UNC79: variants seen among roughly 807,000 people sequenced by gnomAD.
The protein encoded by UNC79 is protein unc-79 homolog.
A neutral mutation model predicts 283.1 loss-of-function variants in UNC79; 37 were observed. The ratio of observed to expected loss-of-function variants is 0.13; its 90% confidence interval spans 0.10 to 0.17. The LOEUF is 0.17. Ranked by LOEUF, UNC79 falls within the 10% of genes least tolerant of loss-of-function variation. The pLI is 1.00. For synonymous variants in UNC79, 1,107 were observed against 1,200.2 expected, an observed-to-expected ratio of 0.92 and a Z score of 1.61; for missense variants, 2,272 against 3,211.1, an observed-to-expected ratio of 0.71 and a Z score of 7.07.
chr14:93,495,969 A>C (rs964522669), intron 5 of UNC79, among the ~76,000 whole-genome samples: 18 of 152,220 alleles, frequency 1.2e-4, no homozygotes, highest in Non-Finnish European at 2.4e-4. Flanking sequence ...GGCAAGTTGG[A>C]AACTGAGGCT....
At chr14:93,659,199 T>G in exon 39 of UNC79, 2 of 1,610,002 alleles carry the variant, frequency 1.2e-6, no homozygotes, top group Non-Finnish European at 1.7e-6. Flanking sequence ...ACAGTGTTCT[T>G]TAGATTCCAG....
rs536891163 is a variant in UNC79 at position 93,365,400 on chromosome 14, A to G, written c.-351+31877A>G. On this transcript the variant is annotated intron_variant, in intron 1 of 49. Transcript: ENST00000256339. ...ACTCCATCTCAAAAAAAAAAAAAAA[A>G]AAAATGTGATCAGACTACCAAATTT... 3.5e-3 allele frequency among the ~76,000 whole-genome samples: 535 copies of G among 151,718 alleles called. 6 individuals are homozygous for G. Among genetic ancestry groups the G allele is most frequent in the African/African-American group, 0.012 (514 of 41,378 alleles).
At chr14:93,648,965 G>A (rs1164941418) in intron 35 of UNC79, among the ~76,000 whole-genome samples, 1 of 152,154 alleles carries the variant, frequency 6.6e-6, no homozygotes, top group African/African-American at 2.4e-5. Flanking sequence ...GTGTGTGTGT[G>A]CGTGCGTGTG....
At chr14:93,379,580 T>C (rs1400478428) in intron 1 of UNC79, among the ~76,000 whole-genome samples, 1 of 152,130 alleles carries the variant, frequency 6.6e-6, no homozygotes, top group Non-Finnish European at 1.5e-5. Flanking sequence ...TACCTTAATA[T>C]ACAATTCATA....
At chr14:93,683,813 A>G (rs1018969237) in intron 42 of UNC79, among the ~76,000 whole-genome samples, 1 of 151,622 alleles carries the variant, frequency 6.6e-6, no homozygotes, top group African/African-American at 2.4e-5. Context: ...AAAAATTAAA[A>G]TCGGCTAGCC....
chr14:93,659,332 A>G (rs1335794541), intron 39 of UNC79, 71 bp downstream of exon 42: 4 of 1,241,674 alleles, frequency 3.2e-6, no homozygotes, highest in Non-Finnish European at 4.6e-6. Context: ...ATAGGCTTGT[A>G]GCAATACTGA....
rs1202755859 is a variant in UNC79, at chr14:93,617,026, A to G, written c.4042-96A>G. The G allele has an allele frequency of 8.9e-5, 103 of 1,159,654 alleles. 1 individual carries two copies. The East Asian group carries it at 2.5e-3, about 28-fold the overall frequency. The allele number at this position is 1,159,654 out of a possible 1,614,324, so 71.8% of individuals were successfully genotyped here. A position where few individuals can be genotyped will look rare whatever the true frequency, so the allele number is the denominator to read the frequency against. ...TGCCTGTTAAATATTTTGCCTGTTA[A>G]AAATTTTAACCACTGGGATGGCTCA... On this transcript the variant is annotated intron_variant, in intron 27 of 48. Coordinates refer to ENST00000555664, the Ensembl canonical transcript of UNC79. The surrounding 1 kb of genome is among the most constrained non-coding windows in gnomAD (Gnocchi z 4.5).
chr14:93,489,740 T>C (rs545922080), intron 5 of UNC79, among the ~76,000 whole-genome samples: 6 of 152,352 alleles, frequency 3.9e-5, no homozygotes, highest in African/African-American at 1.4e-4. Context: ...AGCTTTGCCA[T>C]GTAGGGGTTG....
At chr14:93,397,633 AC>A (rs1447507928) in intron 1 of UNC79, among the ~76,000 whole-genome samples, 82 of 152,018 alleles carry the variant, frequency 5.4e-4, no homozygotes, top group Non-Finnish European at 1.3e-4. Flanking sequence ...GATTGCTTGA[AC>A]CCAGGAGTTT....
chr14:93,365,573 C>A (rs986726520), intron 1 of UNC79, among the ~76,000 whole-genome samples: 3 of 151,992 alleles, frequency 2.0e-5, no homozygotes, highest in African/African-American at 4.8e-5. Context: ...AATGGAACAT[C>A]CTTGACTATG....
At chr14:93,588,007 CAGAT>C (rs1280259112) in intron 22 of UNC79, among the ~76,000 whole-genome samples, 1 of 152,152 alleles carries the variant, frequency 6.6e-6, no homozygotes, top group African/African-American at 2.4e-5. Context: ...CAGGAGGAAA[CAGAT>C]AGCAGAGTTG....
chr14:93,401,088 A>G (rs767012721), intron 1 of UNC79, among the ~76,000 whole-genome samples: 1 of 152,242 alleles, frequency 6.6e-6, no homozygotes, highest in African/African-American at 2.4e-5. Flanking sequence ...TGGGGCATCC[A>G]GATATAGACA....
rs578033810 is a variant in UNC79, at chr14:93,419,018, C to A, written c.-350-48653C>A. On this transcript the variant is annotated intron_variant, in intron 1 of 49. Transcript: ENST00000256339. ...GCCCTGTTTCGGCTCATGCACGGTG[C>A]GCTGCACCCACTGTCCTGTGCCCAC... Among the ~76,000 whole-genome samples the A allele has an allele frequency of 9.7e-4, 147 of 151,896 alleles. 1 individual carries two copies. Among genetic ancestry groups the A allele is most frequent in the African/African-American group, 3.3e-3 (138 of 41,524 alleles).
At chr14:93,419,014 G>A (rs1018226277) in intron 1 of UNC79, among the ~76,000 whole-genome samples, 13 of 151,694 alleles carry the variant, frequency 8.6e-5, no homozygotes, top group South Asian at 6.4e-4. Flanking sequence ...GCTCATGCAC[G>A]GTGCGCTGCA....
In UNC79 at chr14:93,553,197, G is replaced by C. The variant is rs115751484; in HGVS notation, c.1755+10501G>C. ...GAGAAAGAAACATGCTCAAAATTTT[G>C]CTTATAGGTTGTAGTTTACTCAATT... On this transcript the variant is annotated intron_variant, in intron 14 of 48. Coordinates refer to ENST00000555664, the Ensembl canonical transcript of UNC79. 5.0e-3 allele frequency among the ~76,000 whole-genome samples: 756 copies of C among 152,276 alleles called. 7 individuals carry two copies. Among genetic ancestry groups the C allele is most frequent in the African/African-American group, 0.016 (683 of 41,554 alleles).
At chr14:93,390,461 C>T (rs1019947984) in intron 1 of UNC79, among the ~76,000 whole-genome samples, 1 of 151,882 alleles carries the variant, frequency 6.6e-6, no homozygotes, top group African/African-American at 2.4e-5. Context: ...GAAGTCCTAG[C>T]CAGTGCAAGA....
intron 1 of UNC79, among the ~76,000 whole-genome samples, chr14:93,335,633 T>C (rs577039450): frequency 5.3e-5 from 8 of 152,374 alleles, no homozygotes; most frequent in Admixed American, 5.2e-4. Context: ...ATGTTTCTTC[T>C]TACTCTATTT....
At position 93,540,673 on chromosome 14, in the gene UNC79, G is replaced by T. The variant is rs150503082; in HGVS notation, c.1366G>T (p.Ala456Ser). 2.5e-5 allele frequency: 40 copies of T among 1,612,290 alleles called. No individual in the cohort carries two copies. In the East Asian group the frequency reaches 8.9e-4, roughly 36 times the overall value. Residue 456 changes from alanine (A) to serine (S), a missense_variant, in exon 13 of 49, where the codon GCC (alanine) becomes TCC (serine). Physicochemically the swap from Ala to Ser is moderately conservative, Grantham distance 99. Transcript: ENST00000555664. ...GCTCTTTGGCAGCTTGTTGAAAGAA[G>T]CCGAGTTCCATGCTGAGCAGCGAGA...
chr14:93,478,403 A>C (rs116354473), intron 4 of UNC79, among the ~76,000 whole-genome samples: 1 of 152,150 alleles, frequency 6.6e-6, no homozygotes, highest in African/African-American at 2.4e-5. Context: ...AAAATATTGC[A>C]TTGTGGTTTT....
Sources: allele counts gnomAD v4.1 joint callset (sites outside exome capture counted in the v4.1 genomes callset), GRCh38; gene constraint gnomAD v4.1.1; non-coding constraint Gnocchi (gnomAD v3.1); transcripts MANE v1.5; gene names NCBI Gene and HGNC (gene_info 2026-07-23, HGNC 2026-07-21).